The following ARFGEF3 variants were observed in gnomAD, a reference collection of about 807,000 sequenced individuals.
ARFGEF3 encodes brefeldin A-inhibited guanine nucleotide-exchange protein 3.
In ARFGEF3, 96 loss-of-function variants were observed where a neutral mutation model predicts 221.7. The observed-to-expected ratio is 0.43, with a 90% CI of 0.37 to 0.51. The LOEUF (loss-of-function observed/expected upper bound fraction) is 0.51, where lower values mean the gene tolerates loss of function less well. ARFGEF3 is among the 20% of genes least tolerant of loss of function. ARFGEF3 has a pLI of 0.00. For synonymous variants in ARFGEF3, 1,145 were observed against 1,126.8 expected (o/e 1.02, Z -0.32); for missense variants, 2,410 against 2,789.9 (o/e 0.86, Z 3.07).
rs547973256 is a variant in ARFGEF3, at chr6:138,324,031, G to A, written c.4878G>A (p.Leu1626=). 1.2e-5 allele frequency: 20 copies of A among 1,613,574 alleles called. No homozygotes were observed. The East Asian group carries it at 4.2e-4, about 34-fold the overall frequency. The change falls in exon 31 of 34, where the codon CTG becomes CTA. Residue 1626 remains leucine (L), a synonymous_variant. Coordinates refer to ENST00000251691, the MANE Select transcript of ARFGEF3 (RefSeq NM_020340.5). ...CTGCTGTTTCTCCCCAGGACCTGCT[G>A]GGCTGCTTCCACAGCGGCACGGAGA... ...SATLKPVKDL[L]GCFHSGTESF...
chr6:138,331,970 A>C (rs569210022), intron 32 of ARFGEF3, among the ~76,000 whole-genome samples: 1 of 151,782 alleles, frequency 6.6e-6, no homozygotes, highest in South Asian at 2.1e-4. Flanking sequence ...TTTTACATGC[A>C]TGGTTAACAG....
intron 27 of ARFGEF3, 122 bp from the exon 28 acceptor site, chr6:138,319,581 A>AT: frequency 2.9e-6 from 2 of 694,782 alleles, no homozygotes; most frequent in Non-Finnish European, 4.7e-6. Context: ...GCAGTAAATT[A>AT]TTTTTCCCTG....
At chr6:138,244,929 G>A (rs1778457472) in intron 7 of ARFGEF3, among the ~76,000 whole-genome samples, 1 of 152,110 alleles carries the variant, frequency 6.6e-6, no homozygotes, top group East Asian at 1.9e-4. Flanking sequence ...ATTTCTCTTT[G>A]TTAAGTGTGA....
intron 14 of ARFGEF3, among the ~76,000 whole-genome samples, chr6:138,282,680 T>C (rs938701658): frequency 6.6e-6 from 1 of 152,172 alleles, no homozygotes; most frequent in African/African-American, 2.4e-5. Flanking sequence ...GGTCTCAAAC[T>C]TGGGGATCAG....
intron 1 of ARFGEF3, among the ~76,000 whole-genome samples, chr6:138,163,269 C>T (rs1016664375): frequency 6.6e-6 from 1 of 152,112 alleles, no homozygotes; most frequent in Admixed American, 6.5e-5. Context: ...AAACCTGTGC[C>T]TATCATCACA....
intron 26 of ARFGEF3, among the ~76,000 whole-genome samples, chr6:138,314,621 G>T (rs1025121008): frequency 2.0e-5 from 3 of 152,136 alleles, no homozygotes; most frequent in Non-Finnish European, 4.4e-5. Flanking sequence ...TTAACAAATT[G>T]CATGCTTCCA....
chr6:138,254,779 G>A (rs1424218907), intron 9 of ARFGEF3, among the ~76,000 whole-genome samples: 3 of 152,118 alleles, frequency 2.0e-5, no homozygotes, highest in South Asian at 4.1e-4. Context: ...ACCAAACTCC[G>A]CAGAAAAACT....
At position 138,170,257 on chromosome 6, in the gene ARFGEF3, A is replaced by T. The variant is rs542492412; in HGVS notation, c.86-405A>T. On this transcript the variant is annotated intron_variant, in intron 1 of 33. Coordinates refer to ENST00000251691, the MANE Select transcript of ARFGEF3 (RefSeq NM_020340.5). ...TAAGATGTTGTGTAAGTGCTTTGTG[A>T]ACTTGAAAGTCTTTCACAAGTATGA... 3.3e-5 allele frequency among the ~76,000 whole-genome samples: 5 copies of T among 152,350 alleles called. No individual in the cohort carries two copies. In the South Asian group the frequency reaches 1.0e-3, roughly 32 times the overall value.
At chr6:138,255,854 G>C (rs1778668684) in intron 10 of ARFGEF3, 85 bp downstream of exon 10, 1 of 1,184,448 alleles carries the variant, frequency 8.4e-7, no homozygotes, top group African/African-American at 1.5e-5. Flanking sequence ...GAAAAGGCTT[G>C]CCAATCACTT....
intron 2 of ARFGEF3, among the ~76,000 whole-genome samples, chr6:138,171,258 G>A (rs377036408): frequency 3.3e-5 from 5 of 151,702 alleles, no homozygotes; most frequent in East Asian, 1.9e-4. Flanking sequence ...GATTGCATTC[G>A]CTCCCCCTGT....
chr6:138,202,996 T>C (rs184378621), intron 2 of ARFGEF3, among the ~76,000 whole-genome samples: 15 of 152,206 alleles, frequency 9.9e-5, no homozygotes, highest in Non-Finnish European at 1.6e-4. Context: ...TACACTGCCC[T>C]CTTCTCTGAT....
At chr6:138,276,003 A>G (rs1779089540) in intron 12 of ARFGEF3, among the ~76,000 whole-genome samples, 1 of 152,228 alleles carries the variant, frequency 6.6e-6, no homozygotes, top group Admixed American at 6.5e-5. Flanking sequence ...AAATGTAGAG[A>G]TGAACTGTTT....
At chr6:138,299,729 A>G (rs1420714196) in intron 22 of ARFGEF3, among the ~76,000 whole-genome samples, 1 of 152,234 alleles carries the variant, frequency 6.6e-6, no homozygotes, top group African/African-American at 2.4e-5. Context: ...GAAACAGAAA[A>G]CAAATCTCAA....
chr6:138,280,320 T>C (rs1306973772), intron 14 of ARFGEF3, among the ~76,000 whole-genome samples, 156 bp downstream of exon 14: 2 of 152,310 alleles, frequency 1.3e-5, no homozygotes, highest in African/African-American at 2.4e-5. Context: ...GGAAGTGTCA[T>C]GAGTTCACTT....
intron 23 of ARFGEF3, 50 bp downstream of exon 23, chr6:138,307,447 A>T: frequency 6.4e-7 from 1 of 1,553,454 alleles, no homozygotes; most frequent in Non-Finnish European, 8.8e-7. Context: ...TCTCTGTGCC[A>T]AGTTTCATGC....
chr6:138,193,131 C>T (rs1390749958), intron 2 of ARFGEF3, among the ~76,000 whole-genome samples: 1 of 152,156 alleles, frequency 6.6e-6, no homozygotes, highest in Non-Finnish European at 1.5e-5. Flanking sequence ...ACCAGTCTTC[C>T]CACTGTGACT....
intron 32 of ARFGEF3, among the ~76,000 whole-genome samples, chr6:138,328,380 G>C (rs916240601): frequency 6.6e-6 from 1 of 152,166 alleles, no homozygotes; most frequent in South Asian, 2.1e-4. Context: ...TCAAACAGCA[G>C]AACCATATAT....
At chr6:138,196,537 C>G (rs915345358) in intron 2 of ARFGEF3, among the ~76,000 whole-genome samples, 1 of 152,158 alleles carries the variant, frequency 6.6e-6, no homozygotes, top group Non-Finnish European at 1.5e-5. Flanking sequence ...CTGGACGTTG[C>G]TCTGGGTGAG....
chr6:138,306,953 TAA>T (rs71773390), intron 22 of ARFGEF3, among the ~76,000 whole-genome samples: 5,809 of 113,640 alleles, frequency 0.051, 297 homozygotes, highest in African/African-American at 0.15. Flanking sequence ...TAAGGAACTC[TAA>T]AAAAAAAAAA....
Sources: allele counts gnomAD v4.1 joint callset (sites outside exome capture counted in the v4.1 genomes callset), GRCh38; gene constraint gnomAD v4.1.1; transcripts MANE v1.5; gene names NCBI Gene and HGNC (gene_info 2026-07-23, HGNC 2026-07-21).